ATG7: variants seen among roughly 807,000 people sequenced by gnomAD.
ATG7 encodes ubiquitin-like modifier-activating enzyme ATG7.
In ATG7, 70 loss-of-function variants were observed where a neutral mutation model predicts 82.4. That is an observed-to-expected ratio of 0.85 (90% CI 0.70 to 1.04). The LOEUF (loss-of-function observed/expected upper bound fraction) is 1.04, where lower values mean the gene tolerates loss of function less well. Ranked by LOEUF, ATG7 falls within the 50% of genes least tolerant of loss-of-function variation. ATG7 has a pLI of 0.00. For synonymous variants in ATG7, 287 were observed against 313.0 expected (o/e 0.92, Z 0.88); for missense variants, 792 against 864.3 (o/e 0.92, Z 1.05).
chr3:11,534,782 C>T (rs1398314626), intron 20 of ATG7, among the ~76,000 whole-genome samples: 2 of 152,206 alleles, frequency 1.3e-5, no homozygotes, highest in East Asian at 1.9e-4. Context: ...CTGTCTGCCT[C>T]GAGGCACCTG....
chr3:11,454,311 A>G (rs1241619922), intron 20 of ATG7, among the ~76,000 whole-genome samples: 1 of 152,222 alleles, frequency 6.6e-6, no homozygotes, highest in East Asian at 1.9e-4. Flanking sequence ...GGCAATCAGC[A>G]CATCGTGTTT....
intron 20 of ATG7, among the ~76,000 whole-genome samples, chr3:11,508,394 G>A (rs368773431): frequency 5.3e-5 from 8 of 152,036 alleles, no homozygotes; most frequent in African/African-American, 1.9e-4. Flanking sequence ...AATTTGTGTT[G>A]GGCTGCATTC....
At position 11,333,009 on chromosome 3, in the gene ATG7, CG is replaced by C; in HGVS notation, c.806del (p.Arg269LeufsTer19). 1 of 1,570,924 alleles carries C rather than the reference CG, an allele frequency of 6.4e-7. No homozygotes were observed. The highest frequency in any genetic ancestry group is 8.6e-7 in the Non-Finnish European group (1 of 1,157,838). On this transcript the variant is annotated frameshift_variant, in exon 11 of 21. Coordinates refer to ENST00000693202, the MANE Select transcript of ATG7 (RefSeq NM_001349232.2). LOFTEE classifies it high-confidence loss of function. The part of the protein sequence containing the change: ...SFQSVEVVCF[R>X]DRTMQGARDV... ...CCAGTCTGTTGAAGTTGTTTGCTTC[CG>C]TGACCGTACCATGCAGGGGGCGAGA... is the stretch of plus-strand genomic sequence containing the variant.
At chr3:11,366,417 G>A (rs570788822) in intron 18 of ATG7, among the ~76,000 whole-genome samples, 1 of 152,088 alleles carries the variant, frequency 6.6e-6, no homozygotes, top group South Asian at 2.1e-4. Flanking sequence ...TGACATGCAT[G>A]TGTTAATCTT....
At chr3:11,466,283 T>A (rs1306157113) in intron 20 of ATG7, among the ~76,000 whole-genome samples, 1 of 152,244 alleles carries the variant, frequency 6.6e-6, no homozygotes, top group South Asian at 2.1e-4. Context: ...GAGACATAAA[T>A]ATGTTTTTCC....
At chr3:11,528,194 ATCT>A (rs370790924) in intron 20 of ATG7, among the ~76,000 whole-genome samples, 4 of 152,352 alleles carry the variant, frequency 2.6e-5, no homozygotes, top group Admixed American at 6.5e-5. Flanking sequence ...TCTGCACTGA[ATCT>A]TCTTTATAGC....
At chr3:11,406,355 G>C (rs1257068914) in intron 19 of ATG7, among the ~76,000 whole-genome samples, 1 of 152,066 alleles carries the variant, frequency 6.6e-6, no homozygotes, top group Non-Finnish European at 1.5e-5. Flanking sequence ...CCAGGCTGGA[G>C]GGCAGTGGTG....
intron 20 of ATG7, among the ~76,000 whole-genome samples, chr3:11,483,127 T>C (rs2089210101): frequency 6.6e-6 from 1 of 152,156 alleles, no homozygotes; most frequent in Non-Finnish European, 1.5e-5. Context: ...TAGTGGTAAA[T>C]TTAGAAATCC....
chr3:11,538,677 TAAAAAAAAAAAAAAA>T (rs560029572), intron 20 of ATG7, among the ~76,000 whole-genome samples: 38 of 47,648 alleles, frequency 8.0e-4, no homozygotes, highest in Non-Finnish European at 9.9e-4. Context: ...ACTCCGTCTC[TAAAAAAAAAAAAAAA>T]AAAAAAAAAA....
At chr3:11,548,488 G>GC (rs1305563347) in intron 20 of ATG7, among the ~76,000 whole-genome samples, 3 of 152,124 alleles carry the variant, frequency 2.0e-5, no homozygotes, top group Non-Finnish European at 2.9e-5. Context: ...AAATTAAAAG[G>GC]CATGCTCAGA....
At chr3:11,308,813 G>A in intron 6 of ATG7, 171 bp from the exon 7 acceptor site, 1 of 643,698 alleles carries the variant, frequency 1.6e-6, no homozygotes, top group Non-Finnish European at 2.8e-6. Context: ...TGGGAGAGAG[G>A]CAGTGTGAAG....
intron 9 of ATG7, among the ~76,000 whole-genome samples, chr3:11,326,249 TC>T (rs1408515125): frequency 6.6e-6 from 1 of 152,006 alleles, no homozygotes; most frequent in Non-Finnish European, 1.5e-5. Flanking sequence ...GTTTCTCCCT[TC>T]TCCCCCTTTT....
chr3:11,484,239 C>G (rs1212827319), intron 20 of ATG7, among the ~76,000 whole-genome samples: 1 of 152,048 alleles, frequency 6.6e-6, no homozygotes, highest in Non-Finnish European at 1.5e-5. Context: ...ACCAAAAACA[C>G]AAAAATCAGC....
At chr3:11,457,834 A>G (rs1332119347) in intron 20 of ATG7, among the ~76,000 whole-genome samples, 2 of 152,198 alleles carry the variant, frequency 1.3e-5, no homozygotes, top group South Asian at 2.1e-4. Context: ...TGTGTTGAAT[A>G]TTTTCCCTAG....
intron 3 of ATG7, among the ~76,000 whole-genome samples, chr3:11,293,376 A>G (rs1945274697): frequency 6.6e-6 from 1 of 151,892 alleles, no homozygotes; most frequent in East Asian, 1.9e-4. Flanking sequence ...CCAAAAATAT[A>G]AAAAATTAGC....
chr3:11,341,858 C>T (rs1421063562), intron 12 of ATG7, among the ~76,000 whole-genome samples: 1 of 152,158 alleles, frequency 6.6e-6, no homozygotes, highest in Non-Finnish European at 1.5e-5. Context: ...TATTCATGGA[C>T]ACCATGATTC....
intron 11 of ATG7, among the ~76,000 whole-genome samples, chr3:11,336,895 ACTC>A (rs59826936): frequency 0.04 from 6,073 of 151,590 alleles, 397 homozygotes; most frequent in African/African-American, 0.14. Context: ...CTGGTCTTGA[ACTC>A]CTGGGCTCAA....
At chr3:11,575,519 G>C in the ATG7 span, among the ~76,000 whole-genome samples, 142 of 152,246 alleles carry the variant, frequency 9.3e-4, no homozygotes, top group African/African-American at 3.1e-3. Context: ...CTTTCCTTGG[G>C]CACAATCGGT....
rs141456619 is a variant in ATG7, at chr3:11,353,240, G to A, written c.1285-5178G>A. 2.2e-4 allele frequency among the ~76,000 whole-genome samples: 34 copies of A among 152,116 alleles called. 1 individual carries two copies. The highest frequency in any genetic ancestry group is 7.7e-4 in the African/African-American group (32 of 41,508). Reference sequence around the variant, plus strand: ...GGGTGGATCACGAGGTCAAGAGATCGAGACCATCCTGGCCAACATGGTGAA... The same window carrying A: ...GGGTGGATCACGAGGTCAAGAGATCAAGACCATCCTGGCCAACATGGTGAA... On this transcript the variant is annotated intron_variant, in intron 14 of 20. Coordinates refer to ENST00000693202, the MANE Select transcript of ATG7 (RefSeq NM_001349232.2).
Sources: allele counts gnomAD v4.1 joint callset (sites outside exome capture counted in the v4.1 genomes callset), GRCh38; gene constraint gnomAD v4.1.1; transcripts MANE v1.5; gene names NCBI Gene and HGNC (gene_info 2026-07-23, HGNC 2026-07-21).